The following RP1 variants were observed in gnomAD, a reference collection of about 807,000 sequenced individuals.
The protein encoded by RP1 is oxygen-regulated protein 1.
A neutral mutation model predicts 14.8 loss-of-function variants in RP1; 16 were observed. The observed-to-expected ratio is 1.08, with a 90% CI of 0.73 to 1.65. The LOEUF (loss-of-function observed/expected upper bound fraction) is 1.65. Ranked by LOEUF, RP1 falls within the 40% of genes most tolerant of loss-of-function variation. The pLI is 0.00. For synonymous variants in RP1, 876 were observed against 883.6 expected (o/e 0.99, Z 0.15); for missense variants, 2,631 against 2,535.0 (o/e 1.04, Z -0.81).
At chr8:54,825,031 G>A (rs987333677) in intron 24 of RP1, among the ~76,000 whole-genome samples, 9 of 151,664 alleles carry the variant, frequency 5.9e-5, no homozygotes, top group Non-Finnish European at 1.0e-4. Context: ...GTGCAGTGGC[G>A]CGATCTCCGC....
At chr8:54,645,428 C>T (rs1034092348) in intron 3 of RP1, among the ~76,000 whole-genome samples, 1 of 152,094 alleles carries the variant, frequency 6.6e-6, no homozygotes, top group African/African-American at 2.4e-5. Context: ...AGTGCTCTAT[C>T]TCATTGTGGT....
intron 23 of RP1, chr8:54,781,072 G>A: frequency 1.0e-6 from 1 of 983,824 alleles, no homozygotes; most frequent in Non-Finnish European, 1.2e-6. Context: ...AGCCTCCTAA[G>A]GCTGTGGTTT....
chr8:54,670,979 C>T (rs1428027957), intron 7 of RP1, among the ~76,000 whole-genome samples: 1 of 151,708 alleles, frequency 6.6e-6, no homozygotes, highest in Admixed American at 6.6e-5. Context: ...ATCTAGTGTC[C>T]TTTTATTTCA....
chr8:54,626,067 G>A lies in RP1; in HGVS notation c.2185G>A (p.Glu729Lys). Residue 729 changes from glutamate (E) to lysine (K), a missense_variant, in exon 4 of 4, where the codon GAA becomes AAA. By Grantham distance (56) the Glu-to-Lys change is moderately conservative (BLOSUM62 1). Transcript: ENST00000220676. Reference protein sequence around the residue: ...SPLKGGILCEEDLQKSDTVIE... With the variant: ...SPLKGGILCEKDLQKSDTVIE... ...CCTTAAAGGAGGGATACTTTGTGAG[G>A]AAGACCTCCAGAAAAGTGATACTGT... The A allele has an allele frequency of 6.2e-7, 1 of 1,613,630 alleles. No homozygotes were observed.
exon 13 of RP1, chr8:54,699,489 C>T (rs771848903): frequency 2.9e-6 from 4 of 1,381,618 alleles, no homozygotes; most frequent in Non-Finnish European, 3.8e-6. Flanking sequence ...TTATTTTCAA[C>T]AAAAGAAATA....
intron 1 of RP1, among the ~76,000 whole-genome samples, chr8:54,620,474 C>T (rs551411644): frequency 6.6e-6 from 1 of 152,162 alleles, no homozygotes; most frequent in Admixed American, 6.5e-5. Context: ...CTGATGTTCA[C>T]ACAATGATGA....
intron 1 of RP1, among the ~76,000 whole-genome samples, chr8:54,606,046 A>G (rs1458938816): frequency 6.6e-6 from 1 of 151,956 alleles, no homozygotes; most frequent in Non-Finnish European, 1.5e-5. Flanking sequence ...ATTTCCATTT[A>G]AGGTTAATAT....
chr8:54,788,726 C>T (rs1348670152), intron 24 of RP1, among the ~76,000 whole-genome samples: 1 of 151,902 alleles, frequency 6.6e-6, no homozygotes, highest in Non-Finnish European at 1.5e-5. Context: ...AACATTGTTC[C>T]CCTTAAATAG....
upstream of RP1, among the ~76,000 whole-genome samples, chr8:54,612,308 A>T (rs1001848773): frequency 6.6e-6 from 1 of 152,200 alleles, no homozygotes. Flanking sequence ...CTCACTCTGG[A>T]TCCTGCAAGC....
chr8:54,793,347 G>T (rs1810512936), intron 24 of RP1, among the ~76,000 whole-genome samples: 2 of 151,876 alleles, frequency 1.3e-5, no homozygotes. Flanking sequence ...GCATTACCCA[G>T]ATACCAAAGC....
intron 4 of RP1, among the ~76,000 whole-genome samples, chr8:54,650,371 C>T (rs1215670178): frequency 6.6e-6 from 1 of 152,142 alleles, no homozygotes; most frequent in Non-Finnish European, 1.5e-5. Flanking sequence ...GACTGTTTTA[C>T]ATCTTCCTTT....
chr8:54,662,122 C>T (rs1806912897), intron 6 of RP1, among the ~76,000 whole-genome samples: 1 of 151,944 alleles, frequency 6.6e-6, no homozygotes, highest in South Asian at 2.1e-4. Context: ...TTCTCTTTTC[C>T]CATGTGAGCT....
Position 54,629,596 on chromosome 8 carries a change from A to C in RP1, c.5714A>C (p.Asp1905Ala), listed in dbSNP as rs1411629800. The change falls in exon 4 of 4, where the codon GAC (aspartate) becomes GCC (alanine). Residue 1905 changes from aspartate to alanine, a missense_variant. By Grantham distance (126) the Asp-to-Ala change is moderately radical. Coordinates refer to ENST00000220676, the MANE Select transcript of RP1 (RefSeq NM_006269.2). The stretch of plus-strand genomic sequence containing the variant: ...ATTCATGGTACACTTCAGGAAGCTG[A>C]CTCTTTGGATAAACTGTATGCTCTT... ...NMIHGTLQEA[D>A]SLDKLYALCG... 1 of 1,613,886 alleles carries C rather than the reference A, an allele frequency of 6.2e-7. No individual in the cohort carries two copies. The highest frequency in any genetic ancestry group is 8.5e-7 in the Non-Finnish European group (1 of 1,179,982).
At chr8:54,848,221 A>T (rs995738955) in intron 25 of RP1, among the ~76,000 whole-genome samples, 16 of 152,138 alleles carry the variant, frequency 1.1e-4, no homozygotes, top group Non-Finnish European at 2.2e-4. Context: ...CTGAGGCAGC[A>T]GGTGGAGCTT....
intron 1 of RP1, among the ~76,000 whole-genome samples, chr8:54,617,448 G>T (rs971238537): frequency 1.3e-5 from 2 of 152,208 alleles, no homozygotes; most frequent in African/African-American, 4.8e-5. Flanking sequence ...AGCTAACATA[G>T]GAGAACTCAA....
intron 21 of RP1, among the ~76,000 whole-genome samples, chr8:54,757,485 A>C (rs1809537803): frequency 6.6e-6 from 1 of 152,230 alleles, no homozygotes. Context: ...GCACTGGAGA[A>C]GTGAAGGAGT....
upstream of RP1, among the ~76,000 whole-genome samples, chr8:54,613,024 A>T (rs900948713): frequency 2.0e-5 from 3 of 152,194 alleles, no homozygotes; most frequent in Non-Finnish European, 4.4e-5. Flanking sequence ...CTGCAGGATA[A>T]TGTGACCCCA....
At chr8:54,715,696 T>C (rs1808386941) in intron 15 of RP1, among the ~76,000 whole-genome samples, 1 of 152,212 alleles carries the variant, frequency 6.6e-6, no homozygotes, top group Non-Finnish European at 1.5e-5. Flanking sequence ...ATTCCACTTT[T>C]CTTTATCAAA....
chr8:54,696,804 G>T lies in RP1; in HGVS notation c.1718-2663G>T. The T allele has an allele frequency of 5.5e-6, 4 of 729,980 alleles. No homozygotes were observed. The South Asian group carries it at 5.8e-5, about 11-fold the overall frequency. 45.2% of individuals were successfully genotyped at this position (729,980 alleles called of 1,614,324 possible). The stretch of plus-strand genomic sequence containing the variant: ...CTAAAAATGCCACGTATAGTGGAAC[G>T]TTATGTGACCTGCGGATTTCCAAAT... On this transcript the variant is annotated intron_variant, in intron 12 of 22. Transcript: ENST00000636932.
Sources: gnomAD v4.1 joint callset for allele counts (sites outside exome capture counted in the v4.1 genomes callset) on GRCh38, gnomAD v4.1.1 for gene constraint, MANE v1.5 for transcripts, NCBI Gene and HGNC (gene_info 2026-07-23, HGNC 2026-07-21) for gene names.